The following CPOX variants were observed in gnomAD, a reference collection of about 807,000 sequenced individuals.
CPOX encodes coproporphyrinogen oxidase.
CPOX carries 24 observed loss-of-function variants against 48.9 expected under a neutral mutation model. The observed-to-expected ratio is 0.49, with a 90% CI of 0.36 to 0.69. The LOEUF is 0.69. Ranked by LOEUF, CPOX falls within the 30% of genes least tolerant of loss-of-function variation. The pLI is 0.00. For synonymous variants in CPOX, 249 were observed against 234.6 expected, an observed-to-expected ratio of 1.06 and a Z score of -0.56; for missense variants, 549 against 597.3, an observed-to-expected ratio of 0.92 and a Z score of 0.84.
the CPOX span, among the ~76,000 whole-genome samples, chr3:98,573,662 C>A: frequency 6.6e-6 from 1 of 152,134 alleles, no homozygotes; most frequent in Non-Finnish European, 1.5e-5. Context: ...TCTTGAGAAA[C>A]TGAAGACACA....
chr3:98,591,202 A>C, intron 1 of CPOX, 47 bp from the exon 2 acceptor site: 1 of 1,605,758 alleles, frequency 6.2e-7, no homozygotes, highest in Admixed American at 1.7e-5. Context: ...AGTATGTGCA[A>C]AACTGAAAGC....
chr3:98,590,858 C>T (rs561484601), intron 2 of CPOX, 116 bp from the exon 3 acceptor site: 1 of 1,237,586 alleles, frequency 8.1e-7, no homozygotes, highest in East Asian at 2.5e-5. Context: ...TAATTTGTCA[C>T]TTAAAAACAT....
chr3:98,581,823 TAAG>T (rs1707264592), intron 5 of CPOX, among the ~76,000 whole-genome samples: 1 of 152,176 alleles, frequency 6.6e-6, no homozygotes, highest in Non-Finnish European at 1.5e-5. Context: ...GAACAACAAT[TAAG>T]AAAAAGAAAT....
intron 1 of CPOX, among the ~76,000 whole-genome samples, chr3:98,592,670 C>G (rs1457968571): frequency 6.6e-6 from 1 of 152,066 alleles, no homozygotes; most frequent in Admixed American, 6.6e-5. Flanking sequence ...GCTGCAAATA[C>G]CCCTTAAGAG....
chr3:98,590,070 T>C (rs1339327976), intron 3 of CPOX, among the ~76,000 whole-genome samples: 1 of 152,264 alleles, frequency 6.6e-6, no homozygotes, highest in East Asian at 1.9e-4. Flanking sequence ...GGGTGCACAC[T>C]AAAGTTCAGG....
At chr3:98,590,320 T>C (rs1224297361) in intron 3 of CPOX, among the ~76,000 whole-genome samples, 1 of 152,246 alleles carries the variant, frequency 6.6e-6, no homozygotes, top group Non-Finnish European at 1.5e-5. Context: ...GCTAAGTTTT[T>C]GTATTTTTAG....
At position 98,593,285 on chromosome 3, in the gene CPOX, C is replaced by G. The variant is rs886944037; in HGVS notation, c.220G>C (p.Val74Leu). ...AGCGCCGCGGCCAGCCCTGTCCCCA[C>G]CCAGGGGCCGCCTCTCGACGTCGAG... ...HGSTSRGGPW[V>L]GTGLAAALAG... is the part of the protein sequence containing the mutation. Residue 74 changes from valine to leucine, a missense_variant, in exon 1 of 7, where the codon GTG (valine) becomes CTG (leucine). Val to Leu is a conservative substitution (Grantham distance 32). Coordinates refer to ENST00000647941, the MANE Select transcript of CPOX (RefSeq NM_000097.7). 6.9e-7 allele frequency: 1 copy of G among 1,457,602 alleles called. No homozygotes were observed. Among genetic ancestry groups the G allele is most frequent in the African/African-American group, 1.4e-5 (1 of 69,824 alleles). The allele number at this position is 1,457,602 out of a possible 1,614,324, so 90.3% of individuals were successfully genotyped here.
chr3:98,576,247 G>T (rs905394610), downstream of CPOX, among the ~76,000 whole-genome samples: 1 of 152,142 alleles, frequency 6.6e-6, no homozygotes, highest in Non-Finnish European at 1.5e-5. Flanking sequence ...TTACAATCAT[G>T]GCAGAAGGCA....
Position 98,580,498 on chromosome 3 carries a change from T to G in CPOX, c.*185A>C. 1 of 1,439,120 alleles carries G rather than the reference T, an allele frequency of 6.9e-7. No homozygotes were observed. The highest frequency in any genetic ancestry group is 9.1e-7 in the Non-Finnish European group (1 of 1,098,476). 89.1% of individuals were successfully genotyped at this position (1,439,120 alleles called of 1,614,324 possible). A position where few individuals can be genotyped will look rare whatever the true frequency, so the allele number is the denominator to read the frequency against. On this transcript the variant is annotated 3_prime_UTR_variant, in exon 7 of 7. Transcript: ENST00000647941. ...AGGTTTAATCAATTGACTCTGACAA[T>G]CTGCCATCTCACCATTCATCACTGA...
chr3:98,580,865 A>AT, intron 6 of CPOX, 95 bp from the exon 7 acceptor site: 1 of 939,168 alleles, frequency 1.1e-6, no homozygotes, highest in East Asian at 4.0e-5. Context: ...CCTAAGAATA[A>AT]AAAAAAAAAA....
chr3:98,583,348 A>G (rs1408384122), intron 5 of CPOX, among the ~76,000 whole-genome samples: 1 of 152,210 alleles, frequency 6.6e-6, no homozygotes, highest in Non-Finnish European at 1.5e-5. Flanking sequence ...CATATAATTC[A>G]GTCTCTCTGC....
chr3:98,575,460 C>A (rs1694818837), downstream of CPOX, among the ~76,000 whole-genome samples: 1 of 152,192 alleles, frequency 6.6e-6, no homozygotes, highest in African/African-American at 2.4e-5. Context: ...AGTTCAACTA[C>A]CTTGCTCTGC....
chr3:98,576,336 A>C (rs542747893), downstream of CPOX, among the ~76,000 whole-genome samples: 1 of 152,254 alleles, frequency 6.6e-6, no homozygotes, highest in African/African-American at 2.4e-5. Flanking sequence ...CACCTTATAA[A>C]ATTATCAGAT....
intron 4 of CPOX, among the ~76,000 whole-genome samples, chr3:98,586,988 T>C (rs572394307): frequency 6.6e-6 from 1 of 152,204 alleles, no homozygotes; most frequent in Admixed American, 6.5e-5. Flanking sequence ...AAAGAAGCCA[T>C]TTCCTAACTG....
chr3:98,580,900 T>G (rs1707246892), intron 6 of CPOX, 130 bp from the exon 7 acceptor site: 4 of 1,051,338 alleles, frequency 3.8e-6, no homozygotes, highest in African/African-American at 1.6e-5. Context: ...TTGTCTCTAC[T>G]GTGCCTGATG....
rs1221514759 is a variant in CPOX at position 98,585,292 on chromosome 3, C to T, written c.1172+149G>A. 5 of 728,684 alleles carry T rather than the reference C, an allele frequency of 6.9e-6. No individual in the cohort carries two copies. The Admixed American group carries it at 1.0e-4, about 15-fold the overall frequency. 45.1% of individuals were successfully genotyped at this position (728,684 alleles called of 1,614,324 possible). A position where few individuals can be genotyped will look rare whatever the true frequency, so the allele number is the denominator to read the frequency against. On this transcript the variant is annotated intron_variant, in intron 5 of 6. Transcript: ENST00000647941. Reference sequence around the variant, plus strand: ...GCTATAATTATAATATTACTTTACACAATGTCTTTTAATTCACTTAATATT... The same window carrying T: ...GCTATAATTATAATATTACTTTACATAATGTCTTTTAATTCACTTAATATT...
chr3:98,590,510 A>G, intron 3 of CPOX, 122 bp downstream of exon 3: 1 of 763,910 alleles, frequency 1.3e-6, no homozygotes, highest in Non-Finnish European at 2.3e-6. Flanking sequence ...TTGCCTTTAC[A>G]TTGCCTCCTG....
chr3:98,590,233 C>T (rs1175960677), intron 3 of CPOX, among the ~76,000 whole-genome samples: 1 of 152,260 alleles, frequency 6.6e-6, no homozygotes, highest in East Asian at 1.9e-4. Context: ...CTGCAACCTC[C>T]GCCTCCCAGG....
At chr3:98,591,234 AT>A in intron 1 of CPOX, 79 bp from the exon 2 acceptor site, 1 of 1,493,876 alleles carries the variant, frequency 6.7e-7, no homozygotes, top group Non-Finnish European at 9.3e-7. Context: ...GAAGATGGTT[AT>A]TTTCCCGTTT....
Sources: allele counts gnomAD v4.1 joint callset (sites outside exome capture counted in the v4.1 genomes callset), GRCh38; gene constraint gnomAD v4.1.1; transcripts MANE v1.5; gene names NCBI Gene and HGNC (gene_info 2026-07-23, HGNC 2026-07-21).